SLIT2: variants seen among roughly 807,000 people sequenced by gnomAD.
The protein encoded by SLIT2 is slit homolog 2 protein.
In SLIT2, 41 loss-of-function variants were observed where a neutral mutation model predicts 185.7. The observed-to-expected ratio is 0.22, with a 90% CI of 0.17 to 0.29. SLIT2 has a LOEUF of 0.29. SLIT2 is among the 10% of genes least tolerant of loss of function. SLIT2 has a pLI of 1.00. For synonymous variants in SLIT2, 693 were observed against 680.2 expected, an observed-to-expected ratio of 1.02 and a Z score of -0.29; for missense variants, 1,571 against 1,909.0, an observed-to-expected ratio of 0.82 and a Z score of 3.30.
chr4:20,457,994 G>A (rs758722372), intron 4 of SLIT2, among the ~76,000 whole-genome samples: 1 of 149,862 alleles, frequency 6.7e-6, no homozygotes, highest in Non-Finnish European at 1.5e-5. Context: ...ACTTGACTAA[G>A]ATCACTTGGT....
At chr4:20,423,263 T>C (rs1317081288) in intron 4 of SLIT2, among the ~76,000 whole-genome samples, 1 of 152,068 alleles carries the variant, frequency 6.6e-6, no homozygotes, top group Non-Finnish European at 1.5e-5. Flanking sequence ...GGAGGCATAT[T>C]TAAAAACCAG....
At chr4:20,513,701 A>C (rs974245996) in intron 11 of SLIT2, among the ~76,000 whole-genome samples, 1 of 152,132 alleles carries the variant, frequency 6.6e-6, no homozygotes, top group African/African-American at 2.4e-5. Flanking sequence ...GCTATGAATA[A>C]AAATTACAGA....
rs1578038875 is a variant in SLIT2, at chr4:20,620,375, A to G, written c.*1366A>G. 2.2e-6 allele frequency: 1 copy of G among 453,996 alleles called. No homozygotes were observed. Among genetic ancestry groups the G allele is most frequent in the East Asian group, 7.0e-5 (1 of 14,370 alleles). The allele number at this position is 453,996 out of a possible 1,614,324, so 28.1% of individuals were successfully genotyped here. ...TAGAATTGATAATGGTTTATAGTGA[A>G]CTGTGCTCTTCCCTCATTAAAATCC... On this transcript the variant is annotated 3_prime_UTR_variant, in exon 37 of 37. Transcript: ENST00000504154.
chr4:20,516,001 G>C (rs1194367609), intron 11 of SLIT2, among the ~76,000 whole-genome samples: 1 of 152,138 alleles, frequency 6.6e-6, no homozygotes, highest in Non-Finnish European at 1.5e-5. Flanking sequence ...ATTTTTAGTA[G>C]AGACAGGGTT....
At chr4:20,436,829 TAGGGGCA>T (rs1421082046) in intron 4 of SLIT2, among the ~76,000 whole-genome samples, 1 of 152,178 alleles carries the variant, frequency 6.6e-6, no homozygotes, top group Non-Finnish European at 1.5e-5. Context: ...ACCTTTGATT[TAGGGGCA>T]AGATAATTTT....
At chr4:20,564,959 T>G (rs1175405271) in intron 26 of SLIT2, among the ~76,000 whole-genome samples, 1 of 151,980 alleles carries the variant, frequency 6.6e-6, no homozygotes, top group Admixed American at 6.6e-5. Context: ...GGTGGACATT[T>G]ATTAAATAAA....
chr4:20,345,258 C>G (rs960537485), intron 4 of SLIT2, among the ~76,000 whole-genome samples: 10 of 151,962 alleles, frequency 6.6e-5, no homozygotes, highest in African/African-American at 9.7e-5. Flanking sequence ...AATGGCAGGT[C>G]TTCTCTCTTT....
chr4:20,585,079 A>G (rs1297344209), intron 29 of SLIT2, among the ~76,000 whole-genome samples: 2 of 151,938 alleles, frequency 1.3e-5, no homozygotes. Context: ...ACAAAAAACA[A>G]CAAAAAAAAA....
chr4:20,531,464 G>A (rs773671377), intron 16 of SLIT2, among the ~76,000 whole-genome samples: 12 of 152,176 alleles, frequency 7.9e-5, no homozygotes, highest in Admixed American at 1.3e-4. Context: ...AGGACTGTGG[G>A]GGAACAGCCA....
Position 20,585,690 on chromosome 4 carries a change from T to C in SLIT2, c.3089-3954T>C, listed in dbSNP as rs189853784. Among the ~76,000 whole-genome samples, 6 of 152,330 alleles carry C rather than the reference T, an allele frequency of 3.9e-5. No homozygotes were observed. The East Asian group carries it at 1.2e-3, about 29-fold the overall frequency. ...AATCATTTACAACACTAACTCTGTA[T>C]AGTCGAATAAAGAATATTTCCAGTT... On this transcript the variant is annotated intron_variant, in intron 29 of 36. Transcript: ENST00000504154.
chr4:20,287,963 T>C (rs1215713117), intron 4 of SLIT2, among the ~76,000 whole-genome samples: 1 of 152,206 alleles, frequency 6.6e-6, no homozygotes. Context: ...CAAATTTCTT[T>C]TATTGAAACA....
Position 20,524,135 on chromosome 4 carries a change from A to C in SLIT2, c.1396A>C (p.Lys466Gln). The change falls in exon 14 of 37, where the codon AAA (lysine) becomes CAA (glutamine). Residue 466 changes from lysine to glutamine, a missense_variant. By Grantham distance (53) the Lys-to-Gln change is moderately conservative. Around this residue, in one of 3 missense-constraint regions of SLIT2, gnomAD observed 1,202 missense variants for 1,416.4 expected, o/e 0.85. Coordinates refer to ENST00000504154, the MANE Select transcript of SLIT2 (RefSeq NM_004787.4). ...CACCAGCCCCCGCCGCCTGGCAAACAAAAGAATTGGACAGATCAAAAGCAA... is the reference window on the plus strand; with the variant it reads ...CACCAGCCCCCGCCGCCTGGCAAACCAAAGAATTGGACAGATCAAAAGCAA... ...RCTSPRRLAN[K>Q]RIGQIKSKKF... is the part of the protein sequence containing the mutation. The C allele has an allele frequency of 6.2e-7, 1 of 1,614,188 alleles. No individual in the cohort carries two copies.
At chr4:20,458,564 T>C (rs1172292041) in intron 4 of SLIT2, among the ~76,000 whole-genome samples, 2 of 152,206 alleles carry the variant, frequency 1.3e-5, no homozygotes. Context: ...TAAAACAATG[T>C]CCCTAGGTAT....
At chr4:20,604,535 G>C (rs1388541190) in intron 33 of SLIT2, among the ~76,000 whole-genome samples, 1 of 151,960 alleles carries the variant, frequency 6.6e-6, no homozygotes, top group African/African-American at 2.4e-5. Context: ...TTTTAATAGA[G>C]ATGGGGTTTC....
intron 11 of SLIT2, among the ~76,000 whole-genome samples, chr4:20,519,124 G>A (rs889664328): frequency 1.3e-5 from 2 of 152,026 alleles, no homozygotes; most frequent in East Asian, 1.9e-4. Context: ...TCTATGAAAC[G>A]GCAATGCAAG....
At chr4:20,579,976 T>TCATA (rs1553845197) in intron 29 of SLIT2, among the ~76,000 whole-genome samples, 2 of 144,946 alleles carry the variant, frequency 1.4e-5, no homozygotes, top group Non-Finnish European at 3.0e-5. Context: ...ATAATATATA[T>TCATA]TATATATATA....
At chr4:20,592,777 T>C (rs541148628) in intron 30 of SLIT2, among the ~76,000 whole-genome samples, 1 of 152,198 alleles carries the variant, frequency 6.6e-6, no homozygotes, top group Non-Finnish European at 1.5e-5. Flanking sequence ...TCTTTGAGAA[T>C]GTATATGGCC....
At chr4:20,576,004 T>A (rs371563465) in intron 29 of SLIT2, among the ~76,000 whole-genome samples, 3 of 152,232 alleles carry the variant, frequency 2.0e-5, no homozygotes, top group African/African-American at 7.2e-5. Flanking sequence ...AATAATGATA[T>A]CTGTCATATA....
intron 4 of SLIT2, among the ~76,000 whole-genome samples, chr4:20,310,164 T>G (rs1717969691): frequency 1.3e-5 from 2 of 152,118 alleles, no homozygotes; most frequent in African/African-American, 4.8e-5. Flanking sequence ...TCAAATTTCT[T>G]TCTTACTCTT....
Sources: gnomAD v4.1 joint callset for allele counts (sites outside exome capture counted in the v4.1 genomes callset) on GRCh38, gnomAD v4.1.1 for gene constraint, gnomAD v4.1.1 regional missense constraint, MANE v1.5 for transcripts, NCBI Gene and HGNC (gene_info 2026-07-23, HGNC 2026-07-21) for gene names.